Variants in CLIC2 observed in about 807,000 individuals in gnomAD.
CLIC2 encodes CLIC family member 2.
CLIC2 carries 9 observed loss-of-function variants against 14.8 expected under a neutral mutation model. That is an observed-to-expected ratio of 0.61 (90% CI 0.37 to 1.06). The LOEUF is 1.06. Ranked by LOEUF, CLIC2 falls within the 50% of genes least tolerant of loss-of-function variation. The pLI, the probability that CLIC2 is intolerant of heterozygous loss-of-function variation, is 0.01. For synonymous variants in CLIC2, 61 were observed against 66.3 expected (o/e 0.92, Z 0.39); for missense variants, 148 against 181.4 (o/e 0.82, Z 1.06).
At chrX:155,311,449 C>T in intron 1 of CLIC2, among the ~76,000 whole-genome samples, 1 of 111,656 alleles carries the variant, frequency 9.0e-6, no homozygotes, top group Non-Finnish European at 1.9e-5. Context: ...TCCTCATCTC[C>T]ATCTGAGACC....
intron 3 of CLIC2, among the ~76,000 whole-genome samples, chrX:155,280,418 C>A (rs782030107): frequency 8.9e-6 from 1 of 112,074 alleles, no homozygotes; most frequent in Admixed American, 9.5e-5. Flanking sequence ...TTTGGCCAGG[C>A]GCAGTGGCTC....
chrX:155,328,580 C>A (rs1283747937), intron 1 of CLIC2, among the ~76,000 whole-genome samples: 1 of 110,694 alleles, frequency 9.0e-6, no homozygotes, highest in African/African-American at 3.3e-5. Flanking sequence ...GTACCCAAAG[C>A]AATCTATAGA....
At chrX:155,280,093 A>G (rs368841673) in intron 3 of CLIC2, 25 bp from the exon 4 acceptor site, 2 of 1,029,111 alleles carry the variant, frequency 1.9e-6, no homozygotes, top group South Asian at 3.8e-5. Flanking sequence ...TGCGTCAACT[A>G]TCATTTGCAC....
intron 1 of CLIC2, among the ~76,000 whole-genome samples, chrX:155,321,322 G>A (rs2075113773): frequency 9.0e-6 from 1 of 111,524 alleles, no homozygotes. Context: ...GAGAAAGGTC[G>A]GGTTACCCAC....
intron 1 of CLIC2, among the ~76,000 whole-genome samples, chrX:155,311,881 T>C (rs2075075616): frequency 9.0e-6 from 1 of 111,111 alleles, no homozygotes. Context: ...CTATCAGATC[T>C]TGTGAGACTT....
intron 3 of CLIC2, chrX:155,292,661 TG>T (rs1250500848): frequency 1.1e-5 from 3 of 270,226 alleles, no homozygotes; most frequent in Non-Finnish European, 1.9e-5. Context: ...TCCCAGCTAC[TG>T]GGGAGGCTGA....
At chrX:155,308,229 C>T (rs972353120) in intron 1 of CLIC2, among the ~76,000 whole-genome samples, 4 of 109,604 alleles carry the variant, frequency 3.6e-5, no homozygotes, top group African/African-American at 6.7e-5. Flanking sequence ...TTAAAAGAAT[C>T]GAGTGGAAAT....
intron 1 of CLIC2, among the ~76,000 whole-genome samples, chrX:155,317,011 A>T (rs2075097449): frequency 9.0e-6 from 1 of 111,527 alleles, no homozygotes; most frequent in Admixed American, 9.6e-5. Flanking sequence ...CAGGATCAAT[A>T]CTTTGCATCC....
intron 1 of CLIC2, among the ~76,000 whole-genome samples, chrX:155,304,689 G>GT (rs1266403778): frequency 9.9e-6 from 1 of 101,405 alleles, no homozygotes; most frequent in African/African-American, 3.5e-5. Flanking sequence ...TTTCTGTTCT[G>GT]TTTTTTCCCC....
intron 1 of CLIC2, among the ~76,000 whole-genome samples, chrX:155,322,442 G>A (rs782060271): frequency 8.5e-4 from 95 of 111,886 alleles, no homozygotes; most frequent in African/African-American, 2.8e-3. Context: ...CTGAACAACT[G>A]CTCCTGAATG....
chrX:155,334,348 G>A, intron 1 of CLIC2, 23 bp downstream of exon 1: 1 of 1,165,444 alleles, frequency 8.6e-7, no homozygotes, highest in South Asian at 1.8e-5. Context: ...TCTACATGCA[G>A]TTATTATAAC....
chrX:155,312,980 TA>T (rs1439070240), intron 1 of CLIC2, among the ~76,000 whole-genome samples: 1 of 111,136 alleles, frequency 9.0e-6, no homozygotes, highest in African/African-American at 3.3e-5. Context: ...ACACCCCTGA[TA>T]ATTAGAGAAA....
At chrX:155,317,938 T>C (rs781968963) in intron 1 of CLIC2, among the ~76,000 whole-genome samples, 1 of 111,566 alleles carries the variant, frequency 9.0e-6, no homozygotes, top group South Asian at 3.7e-4. Context: ...CACATAGAAA[T>C]AATTAAAAAC....
chrX:155,312,627 A>C (rs969293207), intron 1 of CLIC2, among the ~76,000 whole-genome samples: 2 of 111,934 alleles, frequency 1.8e-5, no homozygotes, highest in Non-Finnish European at 3.8e-5. Context: ...CTTTTTGCTT[A>C]GGATTGCTTT....
intron 1 of CLIC2, among the ~76,000 whole-genome samples, chrX:155,305,236 C>T (rs1433737888): frequency 5.3e-5 from 6 of 112,206 alleles, no homozygotes. Context: ...AGCGAGACTC[C>T]GTGGGCGTGG....
chrX:155,333,061 C>T (rs939142898), intron 1 of CLIC2, among the ~76,000 whole-genome samples: 3 of 111,982 alleles, frequency 2.7e-5, no homozygotes, highest in African/African-American at 9.7e-5. Flanking sequence ...AATTGCATTA[C>T]CTAGCACTGC....
At chrX:155,293,497 A>AAG (rs1385017856) in intron 3 of CLIC2, 3 of 492,262 alleles carry the variant, frequency 6.1e-6, no homozygotes, top group East Asian at 3.4e-5. Flanking sequence ...GATAAATGAC[A>AAG]AGAGAGAGAG....
intron 1 of CLIC2, among the ~76,000 whole-genome samples, chrX:155,319,388 T>G (rs2075105815): frequency 9.0e-6 from 1 of 111,278 alleles, no homozygotes; most frequent in South Asian, 3.8e-4. Context: ...GGTTAGACAG[T>G]GGGTGTAGCC....
intron 3 of CLIC2, among the ~76,000 whole-genome samples, chrX:155,294,316 A>G (rs1193820312): frequency 1.8e-5 from 2 of 112,103 alleles, no homozygotes; most frequent in Non-Finnish European, 3.8e-5. Context: ...ACCAATGGTC[A>G]ATAAAGAATT....
Sources: gnomAD v4.1 joint callset for allele counts (sites outside exome capture counted in the v4.1 genomes callset) on GRCh38, gnomAD v4.1.1 for gene constraint, MANE v1.5 for transcripts, NCBI Gene and HGNC (gene_info 2026-07-23, HGNC 2026-07-21) for gene names.